Variants in MATCAP2 observed in about 807,000 individuals in gnomAD.
MATCAP2 encodes the protein microtubule associated tyrosine carboxypeptidase 2.
the MATCAP2 span, among the ~76,000 whole-genome samples, chr7:36,364,848 T>C: frequency 2.6e-5 from 4 of 152,142 alleles, no homozygotes; most frequent in Admixed American, 2.0e-4. Flanking sequence ...AGAGAGAAAG[T>C]AGTCTGAAAA....
At chr7:36,368,631 G>A in the MATCAP2 span, among the ~76,000 whole-genome samples, 1 of 152,170 alleles carries the variant, frequency 6.6e-6, no homozygotes, top group African/African-American at 2.4e-5. Flanking sequence ...ATTGGCCAGA[G>A]TGAACCTGTG....
the MATCAP2 span, among the ~76,000 whole-genome samples, chr7:36,377,271 C>G: frequency 1.5e-4 from 23 of 152,308 alleles, no homozygotes; most frequent in African/African-American, 4.3e-4. Context: ...GTGCTTCCTT[C>G]AGGAGCTCTT....
chr7:36,379,131 A>T, the MATCAP2 span, among the ~76,000 whole-genome samples: 1 of 152,214 alleles, frequency 6.6e-6, no homozygotes, highest in Non-Finnish European at 1.5e-5. Context: ...TACCAATGAG[A>T]TGAACCAGGT....
chr7:36,334,902 G>T, the MATCAP2 span: 1 of 686,606 alleles, frequency 1.5e-6, no homozygotes, highest in Non-Finnish European at 2.4e-6. Flanking sequence ...TTCAGTCCAA[G>T]TGAAGCTCAT....
the MATCAP2 span, chr7:36,326,559 T>C: frequency 3.6e-5 from 14 of 387,268 alleles, no homozygotes; most frequent in Non-Finnish European, 6.4e-5. Context: ...AGGAATAACT[T>C]CCCCCTGCAA....
At chr7:36,343,334 G>C in the MATCAP2 span, among the ~76,000 whole-genome samples, 3 of 121,376 alleles carry the variant, frequency 2.5e-5, no homozygotes, top group South Asian at 6.5e-4. Flanking sequence ...CTGTAGGAGA[G>C]GAGAGGAGAG....
At chr7:36,357,571 C>A in the MATCAP2 span, 6 of 1,611,688 alleles carry the variant, frequency 3.7e-6, no homozygotes, top group South Asian at 6.6e-5. Flanking sequence ...CAAGTTCTTG[C>A]TCAGGCCAGT....
chr7:36,367,263 T>A, the MATCAP2 span: 2 of 1,056,370 alleles, frequency 1.9e-6, no homozygotes, highest in African/African-American at 1.7e-5. Context: ...CCGCGCGCGC[T>A]GCGCTTCACG....
the MATCAP2 span, among the ~76,000 whole-genome samples, chr7:36,335,561 T>A: frequency 6.6e-6 from 1 of 152,230 alleles, no homozygotes; most frequent in African/African-American, 2.4e-5. Flanking sequence ...AGAAGACTAA[T>A]AAGAGAGGCT....
At chr7:36,331,238 A>C in the MATCAP2 span, among the ~76,000 whole-genome samples, 1 of 152,194 alleles carries the variant, frequency 6.6e-6, no homozygotes, top group Non-Finnish European at 1.5e-5. Flanking sequence ...CATTACATAA[A>C]ATGTCAGGTC....
chr7:36,366,105 C>T, the MATCAP2 span, among the ~76,000 whole-genome samples: 1 of 152,106 alleles, frequency 6.6e-6, no homozygotes, highest in African/African-American at 2.4e-5. Context: ...TGTAAAATTC[C>T]GGCTTTATTT....
the MATCAP2 span, among the ~76,000 whole-genome samples, chr7:36,329,039 G>A: frequency 4.5e-4 from 69 of 151,840 alleles, no homozygotes; most frequent in Admixed American, 4.3e-3. Context: ...CAAAAACTCC[G>A]TATCAAAAAA....
the MATCAP2 span, chr7:36,324,581 T>C: frequency 6.6e-6 from 1 of 152,206 alleles, no homozygotes. Flanking sequence ...AAACTTTTTA[T>C]TTTAGGGAAA....
At chr7:36,356,614 G>A in the MATCAP2 span, 1 of 541,500 alleles carries the variant, frequency 1.8e-6, no homozygotes, top group Non-Finnish European at 3.3e-6. Flanking sequence ...CCACAAGTTT[G>A]TAACTCCCAC....
At chr7:36,326,849 G>A in the MATCAP2 span, 3 of 1,613,846 alleles carry the variant, frequency 1.9e-6, no homozygotes, top group Non-Finnish European at 8.5e-7. Flanking sequence ...TGGTCCTGCA[G>A]GAAATGAGGG....
the MATCAP2 span, among the ~76,000 whole-genome samples, chr7:36,365,897 GTTTCC>G: frequency 6.6e-6 from 1 of 152,338 alleles, no homozygotes; most frequent in African/African-American, 2.4e-5. Context: ...CTGGAACTAT[GTTTCC>G]TGTCAACATA....
At chr7:36,331,665 T>C in the MATCAP2 span, among the ~76,000 whole-genome samples, 1 of 152,152 alleles carries the variant, frequency 6.6e-6, no homozygotes, top group African/African-American at 2.4e-5. Flanking sequence ...CATGTAGGTT[T>C]AAAAAATAGA....
the MATCAP2 span, among the ~76,000 whole-genome samples, chr7:36,353,534 G>A: frequency 1.4e-5 from 2 of 144,984 alleles, no homozygotes. Context: ...AGGCTGGAGT[G>A]CAGTGGTGCG....
At chr7:36,343,349 G>T in the MATCAP2 span, among the ~76,000 whole-genome samples, 1 of 105,138 alleles carries the variant, frequency 9.5e-6, no homozygotes, top group African/African-American at 3.9e-5. Context: ...GGAGAGGGGA[G>T]CAGAGGGGAA....
Sources: gnomAD v4.1 joint callset for allele counts (sites outside exome capture counted in the v4.1 genomes callset) on GRCh38, gnomAD v4.1.1 for gene constraint, MANE v1.5 for transcripts, NCBI Gene and HGNC (gene_info 2026-07-23, HGNC 2026-07-21) for gene names.